The following PTPRG variants were observed in gnomAD, a reference collection of about 807,000 sequenced individuals.
The protein encoded by PTPRG is receptor-type tyrosine-protein phosphatase gamma.
In PTPRG, 102 loss-of-function variants were observed where a neutral mutation model predicts 165.3. The ratio of observed to expected loss-of-function variants is 0.62; its 90% CI spans 0.53 to 0.73. The LOEUF (loss-of-function observed/expected upper bound fraction) is 0.73. Ranked by LOEUF, PTPRG falls within the 30% of genes least tolerant of loss-of-function variation. The probability of loss-of-function intolerance (pLI) is 0.00; values close to 1 mark genes in which losing one functional copy is unlikely to be tolerated. For synonymous variants in PTPRG, 675 were observed against 669.5 expected, an observed-to-expected ratio of 1.01 and a Z score of -0.13; for missense variants, 1,866 against 1,861.4, an observed-to-expected ratio of 1.00 and a Z score of -0.05.
intron 14 of PTPRG, among the ~76,000 whole-genome samples, chr3:62,234,748 C>T (rs941508957): frequency 2.0e-5 from 3 of 151,638 alleles, no homozygotes; most frequent in Non-Finnish European, 4.4e-5. Context: ...ATTTATGGTT[C>T]TTCTTTGATG....
intron 2 of PTPRG, among the ~76,000 whole-genome samples, chr3:61,798,720 G>A (rs1422083376): frequency 1.3e-5 from 2 of 150,240 alleles, no homozygotes; most frequent in Admixed American, 1.3e-4. Context: ...TTCATCTGTA[G>A]CATCTTCCAA....
At chr3:62,054,450 CTT>C (rs1313996833) in intron 4 of PTPRG, among the ~76,000 whole-genome samples, 1 of 152,160 alleles carries the variant, frequency 6.6e-6, no homozygotes, top group African/African-American at 2.4e-5. Context: ...GTCTGAGTAG[CTT>C]GCTGTTTTCT....
intron 1 of PTPRG, among the ~76,000 whole-genome samples, chr3:61,660,567 C>CA (rs1392958896): frequency 1.3e-5 from 2 of 152,172 alleles, no homozygotes; most frequent in African/African-American, 4.8e-5. Context: ...CCCTGAGCCT[C>CA]AGTTTCTCAT....
intron 2 of PTPRG, among the ~76,000 whole-genome samples, chr3:61,773,128 G>A (rs2034261913): frequency 6.6e-6 from 1 of 152,222 alleles, no homozygotes; most frequent in African/African-American, 2.4e-5. Flanking sequence ...ATCGGCTGGT[G>A]TAGGGTAGGG....
intron 4 of PTPRG, among the ~76,000 whole-genome samples, chr3:62,017,327 A>C (rs929796898): frequency 1.3e-5 from 2 of 152,258 alleles, no homozygotes; most frequent in African/African-American, 4.8e-5. Flanking sequence ...AATGTGAAAG[A>C]GCCCAGTAAA....
chr3:61,844,683 G>T (rs946311297), intron 2 of PTPRG, among the ~76,000 whole-genome samples: 2 of 151,202 alleles, frequency 1.3e-5, no homozygotes, highest in East Asian at 3.9e-4. Flanking sequence ...CCCCTGTTTG[G>T]TAGAGATGCG....
At chr3:61,574,340 C>G (rs750816390) in intron 1 of PTPRG, among the ~76,000 whole-genome samples, 14 of 152,292 alleles carry the variant, frequency 9.2e-5, no homozygotes, top group African/African-American at 2.9e-4. Context: ...ATCTACTGCC[C>G]TTGATGAGAC....
intron 1 of PTPRG, among the ~76,000 whole-genome samples, chr3:61,728,865 A>G (rs2106824682): frequency 7.2e-6 from 1 of 139,162 alleles, no homozygotes; most frequent in African/African-American, 2.7e-5. Context: ...AGTGAGACCT[A>G]ATCTGTACCA....
At chr3:61,631,485 A>C (rs771186613) in intron 1 of PTPRG, among the ~76,000 whole-genome samples, 2 of 152,242 alleles carry the variant, frequency 1.3e-5, no homozygotes, top group Non-Finnish European at 2.9e-5. Context: ...CCTAATTTAT[A>C]AATTAAACTT....
At chr3:62,289,295 T>C (rs1174476495) in intron 28 of PTPRG, among the ~76,000 whole-genome samples, 1 of 152,136 alleles carries the variant, frequency 6.6e-6, no homozygotes, top group Non-Finnish European at 1.5e-5. Context: ...GCACATGAAG[T>C]ACAACACACG....
At chr3:62,274,578 T>G (rs1180257460) in intron 23 of PTPRG, among the ~76,000 whole-genome samples, 1 of 152,156 alleles carries the variant, frequency 6.6e-6, no homozygotes, top group African/African-American at 2.4e-5. Flanking sequence ...AGTTTCTCCC[T>G]TTGTATCAAG....
At chr3:61,872,650 A>G (rs1259574982) in intron 2 of PTPRG, among the ~76,000 whole-genome samples, 2 of 152,102 alleles carry the variant, frequency 1.3e-5, no homozygotes, top group African/African-American at 4.8e-5. Context: ...ATTGTCATGT[A>G]TATGGAAAGG....
Position 61,968,289 on chromosome 3 carries a change from C to T in PTPRG, c.191-21336C>T, listed in dbSNP as rs2040313578. 3.3e-5 allele frequency among the ~76,000 whole-genome samples: 5 copies of T among 152,140 alleles called. No individual in the cohort carries two copies. The South Asian group carries it at 1.0e-3, about 32-fold the overall frequency. On this transcript the variant is annotated intron_variant, in intron 2 of 29. Transcript: ENST00000474889. ...TTTTGCTTTTTTCATCATCCTTTCA[C>T]TTACTAAATGGCTTCTATTTCAGAG... is the stretch of plus-strand genomic sequence containing the variant.
Position 61,600,439 on chromosome 3 carries a change from G to A in PTPRG, c.85+38067G>A, listed in dbSNP as rs79241005. ...GAACTGTACTTTTTGAGTGATTCAC[G>A]GGATTTGTCAGGGGTAATTTTGACT... On this transcript the variant is annotated intron_variant, in intron 1 of 29. Coordinates refer to ENST00000474889, the MANE Select transcript of PTPRG (RefSeq NM_002841.4). 8.0e-3 allele frequency among the ~76,000 whole-genome samples: 1,220 copies of A among 152,120 alleles called. 8 individuals are homozygous for A. The highest frequency in any genetic ancestry group is 0.011 in the Non-Finnish European group (761 of 67,996).
intron 1 of PTPRG, among the ~76,000 whole-genome samples, chr3:61,664,940 T>G (rs368465564): frequency 3.3e-4 from 51 of 152,370 alleles, no homozygotes; most frequent in African/African-American, 1.2e-3. Flanking sequence ...GAACTGGACA[T>G]CCCCTGTTTT....
intron 4 of PTPRG, among the ~76,000 whole-genome samples, chr3:62,045,350 A>T (rs1700254810): frequency 6.6e-6 from 1 of 152,204 alleles, no homozygotes; most frequent in Admixed American, 6.5e-5. Flanking sequence ...ATCTGAAGGA[A>T]ATTTAAATTT....
chr3:61,709,053 G>T (rs1219561396), intron 1 of PTPRG, among the ~76,000 whole-genome samples: 2 of 152,242 alleles, frequency 1.3e-5, no homozygotes, highest in Non-Finnish European at 2.9e-5. Context: ...CACTATGCAT[G>T]TCTATGCTGG....
At chr3:61,736,150 C>T (rs928776026) in intron 1 of PTPRG, among the ~76,000 whole-genome samples, 12 of 151,848 alleles carry the variant, frequency 7.9e-5, no homozygotes, top group African/African-American at 2.4e-4. Flanking sequence ...TCAGGCAATC[C>T]GCCTGCCTCA....
chr3:61,745,998 G>A (rs1358217342), intron 1 of PTPRG, among the ~76,000 whole-genome samples: 1 of 151,550 alleles, frequency 6.6e-6, no homozygotes. Flanking sequence ...TTTGTCGAAG[G>A]TTTAAATATT....
Sources: allele counts gnomAD v4.1 joint callset (sites outside exome capture counted in the v4.1 genomes callset), GRCh38; gene constraint gnomAD v4.1.1; transcripts MANE v1.5; gene names NCBI Gene and HGNC (gene_info 2026-07-23, HGNC 2026-07-21).